ARMH3: variants seen among roughly 807,000 people sequenced by gnomAD.
ARMH3 encodes the protein armadillo-like helical domain-containing protein 3.
ARMH3 carries 60 observed loss-of-function variants against 99.1 expected under a neutral mutation model. The ratio of observed to expected loss-of-function variants is 0.61; its 90% CI spans 0.49 to 0.75. The LOEUF is 0.75. Ranked by LOEUF, ARMH3 falls within the 30% of genes least tolerant of loss-of-function variation. ARMH3 has a pLI of 0.00. For synonymous variants in ARMH3, 285 were observed against 292.8 expected (o/e 0.97, Z 0.27); for missense variants, 679 against 843.1 (o/e 0.81, Z 2.41).
chr10:101,976,770 C>T (rs1846032376), intron 19 of ARMH3, among the ~76,000 whole-genome samples: 1 of 152,016 alleles, frequency 6.6e-6, no homozygotes. Flanking sequence ...TGGCACAAGC[C>T]TATACTCCCA....
chr10:101,919,013 T>A (rs1843198916), intron 23 of ARMH3, among the ~76,000 whole-genome samples: 1 of 152,190 alleles, frequency 6.6e-6, no homozygotes, highest in African/African-American at 2.4e-5. Context: ...AATCTATAGA[T>A]AATTAAATGA....
Position 101,847,420 on chromosome 10 carries a change from C to T in ARMH3, c.*108G>A. 1 of 1,114,602 alleles carries T rather than the reference C, an allele frequency of 9.0e-7. No homozygotes were observed. The highest frequency in any genetic ancestry group is 1.3e-5 in the South Asian group (1 of 76,994). 69.0% of individuals were successfully genotyped at this position (1,114,602 alleles called of 1,614,324 possible). A position where few individuals can be genotyped will look rare whatever the true frequency, so the allele number is the denominator to read the frequency against. ...GGTCTTCACCAAGAGAACTTGGTAT[C>T]TGTGTTTCTCTCCAACCTCGGGGGC... On this transcript the variant is annotated 3_prime_UTR_variant, in exon 26 of 26. Coordinates refer to ENST00000370033, the MANE Select transcript of ARMH3 (RefSeq NM_024541.3).
intron 8 of ARMH3, among the ~76,000 whole-genome samples, chr10:102,020,234 G>C (rs1036644194): frequency 6.6e-6 from 1 of 151,562 alleles, no homozygotes; most frequent in Non-Finnish European, 1.5e-5. Context: ...AGTATACAAT[G>C]TTTATCAAGT....
At chr10:101,899,250 T>C (rs1031605112) in intron 23 of ARMH3, among the ~76,000 whole-genome samples, 3 of 152,290 alleles carry the variant, frequency 2.0e-5, no homozygotes, top group African/African-American at 7.2e-5. Flanking sequence ...AGTCCAGTGA[T>C]ATACTACTAT....
chr10:102,023,112 G>A (rs1467334098), intron 8 of ARMH3, among the ~76,000 whole-genome samples: 4 of 151,676 alleles, frequency 2.6e-5, no homozygotes, highest in African/African-American at 4.8e-5. Context: ...GCTTGAAGCC[G>A]GGAGGCGGAG....
chr10:101,963,658 G>A (rs897219836), intron 20 of ARMH3, among the ~76,000 whole-genome samples: 17 of 152,060 alleles, frequency 1.1e-4, no homozygotes, highest in African/African-American at 2.9e-4. Flanking sequence ...GGAGTGCAAC[G>A]GCACGATCTC....
At chr10:102,032,890 A>C in intron 4 of ARMH3, 136 bp downstream of exon 4, 1 of 952,578 alleles carries the variant, frequency 1.0e-6, no homozygotes, top group Middle Eastern at 2.9e-4. Context: ...AACGTGGCAT[A>C]AATATTTGGT....
intron 23 of ARMH3, among the ~76,000 whole-genome samples, chr10:101,914,270 T>C (rs574827171): frequency 6.7e-6 from 1 of 149,290 alleles, no homozygotes; most frequent in African/African-American, 2.5e-5. Context: ...AGGAGGATCA[T>C]GAGGTCAGGA....
intron 19 of ARMH3, among the ~76,000 whole-genome samples, chr10:101,983,117 G>A (rs545114861): frequency 6.6e-6 from 1 of 152,252 alleles, no homozygotes; most frequent in African/African-American, 2.4e-5. Context: ...TGTATGTTGA[G>A]GTGACTGACG....
intron 23 of ARMH3, among the ~76,000 whole-genome samples, chr10:101,927,559 C>A (rs1186621811): frequency 6.6e-6 from 1 of 152,220 alleles, no homozygotes; most frequent in Non-Finnish European, 1.5e-5. Flanking sequence ...GCAGCTACTC[C>A]ATTATCACTG....
intron 24 of ARMH3, among the ~76,000 whole-genome samples, chr10:101,859,980 T>C (rs1192672849): frequency 6.6e-6 from 1 of 152,098 alleles, no homozygotes; most frequent in African/African-American, 2.4e-5. Context: ...AGCTTCAGGT[T>C]CAAACTCTCC....
rs530361796 is a variant in ARMH3 at position 101,881,510 on chromosome 10, T to C, written c.1860+7902A>G. 2.6e-5 allele frequency among the ~76,000 whole-genome samples: 4 copies of C among 152,258 alleles called. No individual in the cohort carries two copies. In the South Asian group the frequency reaches 6.2e-4, roughly 24 times the overall value. On this transcript the variant is annotated intron_variant, in intron 24 of 25. Coordinates refer to ENST00000370033, the MANE Select transcript of ARMH3 (RefSeq NM_024541.3). Reference sequence around the variant, plus strand: ...ACATATTGTTAAGTGTACTATACCATACACTTAACATGATTAAAACGGTAA... The same window carrying C: ...ACATATTGTTAAGTGTACTATACCACACACTTAACATGATTAAAACGGTAA...
At chr10:101,907,252 T>C (rs1358966431) in intron 23 of ARMH3, among the ~76,000 whole-genome samples, 3 of 152,138 alleles carry the variant, frequency 2.0e-5, no homozygotes, top group African/African-American at 7.2e-5. Flanking sequence ...TGGAAAGGTA[T>C]TTTTTAAGCA....
At chr10:101,948,999 G>A (rs1027215763) in intron 22 of ARMH3, among the ~76,000 whole-genome samples, 5 of 151,928 alleles carry the variant, frequency 3.3e-5, no homozygotes, top group South Asian at 2.1e-4. Flanking sequence ...AAATTCAAAA[G>A]TCAAAGAAGA....
At chr10:101,960,456 A>G (rs1170300691) in intron 20 of ARMH3, among the ~76,000 whole-genome samples, 1 of 152,138 alleles carries the variant, frequency 6.6e-6, no homozygotes, top group Non-Finnish European at 1.5e-5. Flanking sequence ...AGAGCTAGAA[A>G]ATGCCTTAGG....
At chr10:101,864,717 G>T (rs1020173388) in intron 24 of ARMH3, among the ~76,000 whole-genome samples, 13 of 152,102 alleles carry the variant, frequency 8.5e-5, no homozygotes, top group African/African-American at 3.1e-4. Flanking sequence ...CACAGGTTGG[G>T]GAACATCACA....
intron 22 of ARMH3, among the ~76,000 whole-genome samples, chr10:101,942,524 T>C (rs1008051686): frequency 2.5e-4 from 38 of 152,236 alleles, no homozygotes; most frequent in African/African-American, 8.7e-4. Context: ...ACAGTGGGCT[T>C]CACTGCAGCC....
intron 23 of ARMH3, among the ~76,000 whole-genome samples, chr10:101,904,218 G>C (rs2068047657): frequency 6.6e-6 from 1 of 152,206 alleles, no homozygotes; most frequent in Non-Finnish European, 1.5e-5. Context: ...AAGGTCCTCA[G>C]TGAGAAACAC....
chr10:102,006,157 T>C (rs1007764512), intron 14 of ARMH3, among the ~76,000 whole-genome samples: 14 of 152,218 alleles, frequency 9.2e-5, no homozygotes, highest in African/African-American at 3.1e-4. Context: ...TCAGATAACA[T>C]TACTATTTTA....
Sources: gnomAD v4.1 joint callset for allele counts (sites outside exome capture counted in the v4.1 genomes callset) on GRCh38, gnomAD v4.1.1 for gene constraint, MANE v1.5 for transcripts, NCBI Gene and HGNC (gene_info 2026-07-23, HGNC 2026-07-21) for gene names.